ST6GALNAC3: variants seen among roughly 807,000 people sequenced by gnomAD.
ST6GALNAC3 encodes the protein alpha-N-acetylgalactosaminide alpha-2,6-sialyltransferase 3.
In ST6GALNAC3, 25 loss-of-function variants were observed where a neutral mutation model predicts 32.7. That is an observed-to-expected ratio of 0.76 (90% CI 0.56 to 1.07). ST6GALNAC3 has a LOEUF of 1.07. Ranked by LOEUF, ST6GALNAC3 falls within the 50% of genes least tolerant of loss-of-function variation. The pLI is 0.00. For missense variants in ST6GALNAC3, 355 were observed against 382.4 expected (o/e 0.93, Z 0.60); for synonymous variants, 129 against 133.1 (o/e 0.97, Z 0.21).
chr1:76,300,142 G>C (rs1660645186), intron 1 of ST6GALNAC3, among the ~76,000 whole-genome samples: 1 of 152,028 alleles, frequency 6.6e-6, no homozygotes, highest in Non-Finnish European at 1.5e-5. Flanking sequence ...AATCTCTTTT[G>C]CTGTAAACTT....
rs1013447159 is a variant in ST6GALNAC3 at position 76,329,336 on chromosome 1, A to G, written c.213+15337A>G. ...TTCAATGCATCCTGCCCCCATAACC[A>G]TTTTTCTCTGTAAGTGATGTTAACT... On this transcript the variant is annotated intron_variant, in intron 2 of 4. Transcript: ENST00000328299. 2.0e-5 allele frequency among the ~76,000 whole-genome samples: 3 copies of G among 151,980 alleles called. No homozygotes were observed. In the South Asian group the frequency reaches 6.2e-4, roughly 32 times the overall value.
chr1:76,237,741 A>G (rs914396771), intron 1 of ST6GALNAC3, among the ~76,000 whole-genome samples: 6 of 152,190 alleles, frequency 3.9e-5, no homozygotes, highest in Non-Finnish European at 5.9e-5. Flanking sequence ...GATAGAAAAA[A>G]AATATTTCTG....
At chr1:76,373,838 G>T (rs1651013392) in intron 2 of ST6GALNAC3, among the ~76,000 whole-genome samples, 1 of 152,200 alleles carries the variant, frequency 6.6e-6, no homozygotes, top group Non-Finnish European at 1.5e-5. Flanking sequence ...GAAAGAGGGT[G>T]CTGTAAGTAT....
In ST6GALNAC3 at chr1:76,149,894, G is replaced by A. The variant is rs981283737; in HGVS notation, c.18+75010G>A. ...TGCCATTCTAGGAGTTGTTTTGCAC[G>A]TTGCTAGATGTTTCCTGAATGATAT... On this transcript the variant is annotated intron_variant, in intron 1 of 4. Transcript: ENST00000328299. Among the ~76,000 whole-genome samples, 9 of 152,288 alleles carry A rather than the reference G, an allele frequency of 5.9e-5. No individual in the cohort carries two copies. In the South Asian group the frequency reaches 1.2e-3, roughly 21 times the overall value.
At chr1:76,600,852 G>T (rs1319296646) in intron 3 of ST6GALNAC3, among the ~76,000 whole-genome samples, 1 of 152,102 alleles carries the variant, frequency 6.6e-6, no homozygotes, top group Non-Finnish European at 1.5e-5. Context: ...TCCTGGAAAT[G>T]AACAAGATAT....
intron 1 of ST6GALNAC3, among the ~76,000 whole-genome samples, chr1:76,235,919 G>A (rs1315913370): frequency 6.6e-6 from 1 of 151,426 alleles, no homozygotes; most frequent in Non-Finnish European, 1.5e-5. Flanking sequence ...AATGGTACCA[G>A]TCATGTTGGG....
intron 1 of ST6GALNAC3, among the ~76,000 whole-genome samples, chr1:76,289,339 A>T (rs1659948250): frequency 6.6e-6 from 1 of 152,190 alleles, no homozygotes; most frequent in Non-Finnish European, 1.5e-5. Flanking sequence ...TTCTGATCCC[A>T]GCCCTGGCAC....
chr1:76,419,122 T>A (rs1438556453), intron 3 of ST6GALNAC3, among the ~76,000 whole-genome samples: 1 of 151,764 alleles, frequency 6.6e-6, no homozygotes, highest in Non-Finnish European at 1.5e-5. Flanking sequence ...CAATTTAGGA[T>A]TAAAACAAGA....
At chr1:76,427,781 T>C (rs910637822) in intron 3 of ST6GALNAC3, among the ~76,000 whole-genome samples, 39 of 152,226 alleles carry the variant, frequency 2.6e-4, no homozygotes, top group Middle Eastern at 3.4e-3. Context: ...GAGACAGATA[T>C]AGTTTCACAG....
chr1:76,455,258 T>C (rs142707888), intron 3 of ST6GALNAC3, among the ~76,000 whole-genome samples: 173 of 152,312 alleles, frequency 1.1e-3, no homozygotes, highest in Non-Finnish European at 2.2e-3. Flanking sequence ...TTCTATTTCC[T>C]TGTTTTCTGT....
chr1:76,289,851 C>T (rs925292423), intron 1 of ST6GALNAC3, among the ~76,000 whole-genome samples: 1 of 152,200 alleles, frequency 6.6e-6, no homozygotes, highest in South Asian at 2.1e-4. Flanking sequence ...GCCCAACCCC[C>T]CTTCCACAGG....
In ST6GALNAC3 at chr1:76,520,809, T is replaced by C. The variant is rs1570073170; in HGVS notation, c.624-106643T>C. On this transcript the variant is annotated intron_variant, in intron 3 of 4. Transcript: ENST00000328299. ...ATATAGCCATACCAGTTTTATTTGG[T>C]TTGTAACTACATGGTACACAGTACC... is the stretch of plus-strand genomic sequence containing the variant. 2.6e-5 allele frequency among the ~76,000 whole-genome samples: 4 copies of C among 152,198 alleles called. No individual in the cohort carries two copies. In the South Asian group the frequency reaches 6.2e-4, roughly 24 times the overall value.
At chr1:76,297,395 A>G (rs1660466309) in intron 1 of ST6GALNAC3, among the ~76,000 whole-genome samples, 2 of 152,006 alleles carry the variant, frequency 1.3e-5, no homozygotes, top group African/African-American at 2.4e-5. Flanking sequence ...TTCCAGAGCC[A>G]GGGGTATGTT....
chr1:76,226,357 C>A (rs1656070885), intron 1 of ST6GALNAC3, among the ~76,000 whole-genome samples: 1 of 152,158 alleles, frequency 6.6e-6, no homozygotes, highest in Non-Finnish European at 1.5e-5. Context: ...CCAAGGGAGC[C>A]TTCATGGCTT....
intron 3 of ST6GALNAC3, among the ~76,000 whole-genome samples, chr1:76,582,324 T>G (rs1646903344): frequency 6.6e-6 from 1 of 152,164 alleles, no homozygotes; most frequent in Admixed American, 6.5e-5. Context: ...TGGCTTGGAT[T>G]TATAACAACT....
chr1:76,591,847 C>T (rs1359506961), intron 3 of ST6GALNAC3, among the ~76,000 whole-genome samples: 1 of 152,118 alleles, frequency 6.6e-6, no homozygotes, highest in South Asian at 2.1e-4. Context: ...TAGGGCACCT[C>T]ATCTATGTCC....
chr1:76,089,118 T>A (rs994410758), intron 1 of ST6GALNAC3, among the ~76,000 whole-genome samples: 2 of 152,176 alleles, frequency 1.3e-5, no homozygotes, highest in African/African-American at 4.8e-5. Flanking sequence ...AAGCTCCACC[T>A]CCCGGGTTCA....
chr1:76,308,187 A>G (rs1457602237), intron 1 of ST6GALNAC3, among the ~76,000 whole-genome samples: 2 of 152,168 alleles, frequency 1.3e-5, no homozygotes, highest in African/African-American at 4.8e-5. Flanking sequence ...AGAAAAAAAT[A>G]TCTCTAGTTC....
chr1:76,192,237 G>A (rs780405160), intron 1 of ST6GALNAC3, among the ~76,000 whole-genome samples: 15 of 152,138 alleles, frequency 9.9e-5, no homozygotes, highest in Admixed American at 5.2e-4. Flanking sequence ...AGCTGCTTTT[G>A]CATATGAACT....
Sources: allele counts gnomAD v4.1 joint callset (sites outside exome capture counted in the v4.1 genomes callset), GRCh38; gene constraint gnomAD v4.1.1; transcripts MANE v1.5; gene names NCBI Gene and HGNC (gene_info 2026-07-23, HGNC 2026-07-21).